EXTL2: variants seen among roughly 807,000 people sequenced by gnomAD.
EXTL2 encodes the protein exostosin like glycosyltransferase 2.
EXTL2 carries 23 observed loss-of-function variants against 30.7 expected under a neutral mutation model. That is an observed-to-expected ratio of 0.75 (90% CI 0.54 to 1.06). EXTL2 has a LOEUF of 1.06. Ranked by LOEUF, EXTL2 falls within the 50% of genes least tolerant of loss-of-function variation. The pLI is 0.00. For missense variants in EXTL2, 352 were observed against 396.3 expected (o/e 0.89, Z 0.95); for synonymous variants, 123 against 133.8 (o/e 0.92, Z 0.56).
chr1:100,879,027 A>G (rs1649356297), intron 2 of EXTL2, among the ~76,000 whole-genome samples: 1 of 152,190 alleles, frequency 6.6e-6, no homozygotes. Context: ...GTAGTGAACA[A>G]ATTGATAAGT....
chr1:100,894,296 G>A (rs558239307), intron 1 of EXTL2, among the ~76,000 whole-genome samples: 1 of 151,816 alleles, frequency 6.6e-6, no homozygotes, highest in African/African-American at 2.4e-5. Flanking sequence ...TAAAATTCAA[G>A]GTCTACTGCT....
intron 2 of EXTL2, among the ~76,000 whole-genome samples, chr1:100,880,514 C>T (rs922128730): frequency 6.6e-6 from 1 of 152,126 alleles, no homozygotes; most frequent in Non-Finnish European, 1.5e-5. Flanking sequence ...GATTATTTTA[C>T]AAGGATAATA....
At position 100,874,024 on chromosome 1, in the gene EXTL2, T is replaced by C. The variant is rs1376540995; in HGVS notation, c.911A>G (p.Tyr304Cys). 1.8e-5 allele frequency: 29 copies of C among 1,612,814 alleles called. No homozygotes were observed. Among genetic ancestry groups the C allele is most frequent in the Non-Finnish European group, 2.4e-5 (28 of 1,179,368 alleles). Residue 304 changes from tyrosine (Y) to cysteine (C), a missense_variant, in exon 5 of 5, where the codon TAT becomes TGT. Transcript: ENST00000370114. ...SYCINKLVNIYDSMPLRYSNI... is the reference protein window; with the variant it reads ...SYCINKLVNICDSMPLRYSNI... Reference sequence around the variant, plus strand: ...GGAGTATCTTAAGGGCATGCTATCATAGATATTAACAAGCTTATTTATACA... The same window carrying C: ...GGAGTATCTTAAGGGCATGCTATCACAGATATTAACAAGCTTATTTATACA...
chr1:100,887,789 C>T (rs1003312926), intron 2 of EXTL2, among the ~76,000 whole-genome samples: 5 of 152,098 alleles, frequency 3.3e-5, no homozygotes, highest in African/African-American at 4.8e-5. Flanking sequence ...CTGCAAGCTC[C>T]GCCTCCCCGG....
At chr1:100,876,936 G>T in intron 3 of EXTL2, 72 bp from the exon 4 acceptor site, 1 of 939,352 alleles carries the variant, frequency 1.1e-6, no homozygotes. Flanking sequence ...ATACAATAGT[G>T]TCTATATAGA....
At chr1:100,883,172 T>C (rs185271376) in intron 2 of EXTL2, among the ~76,000 whole-genome samples, 98 of 152,342 alleles carry the variant, frequency 6.4e-4, no homozygotes, top group African/African-American at 2.2e-3. Context: ...ACCTGCAAGA[T>C]AATATAAAAA....
intron 2 of EXTL2, among the ~76,000 whole-genome samples, chr1:100,878,664 G>A (rs1002445194): frequency 2.2e-4 from 34 of 152,140 alleles, no homozygotes; most frequent in African/African-American, 5.5e-4. Context: ...TTTACTATAC[G>A]CCAGATGAGA....
chr1:100,892,462 G>A (rs1007309184), intron 1 of EXTL2, among the ~76,000 whole-genome samples: 4 of 152,094 alleles, frequency 2.6e-5, no homozygotes, highest in East Asian at 3.9e-4. Context: ...CGGCAGTGTC[G>A]GCTTCCCTAC....
rs1463346477 is a variant in EXTL2, at chr1:100,894,728, T to G, written c.-167A>C. 6.6e-6 allele frequency: 1 copy of G among 150,764 alleles called. No homozygotes were observed. Among genetic ancestry groups the G allele is most frequent in the African/African-American group, 2.4e-5 (1 of 40,976 alleles). The allele number at this position is 150,764 out of a possible 1,614,324, so 9.3% of individuals were successfully genotyped here. On this transcript the variant is annotated 5_prime_UTR_variant, in exon 1 of 5. Coordinates refer to ENST00000370114, the MANE Select transcript of EXTL2 (RefSeq NM_001033025.3). ...GGGGCGTCTCGTTTGCTCATTTTTGTTTTTTTTTCTAAACCAAGTAGCGTG... is the reference window on the plus strand; with the variant it reads ...GGGGCGTCTCGTTTGCTCATTTTTGGTTTTTTTTCTAAACCAAGTAGCGTG...
At chr1:100,876,941 T>C (rs2295280) in intron 3 of EXTL2, 77 bp from the exon 4 acceptor site, 412,670 of 886,700 alleles carry the variant, frequency 0.47, 99,161 homozygotes, top group Non-Finnish European at 0.52. Context: ...ATAGTGTCTA[T>C]ATAGATCATT....
At chr1:100,880,967 T>C in intron 2 of EXTL2, 1 of 975,394 alleles carries the variant, frequency 1.0e-6, no homozygotes, top group Non-Finnish European at 1.2e-6. Flanking sequence ...TGCTTCCTTC[T>C]CATGTATTCT....
chr1:100,874,555 T>C, intron 4 of EXTL2, 125 bp from the exon 5 acceptor site: 2 of 821,048 alleles, frequency 2.4e-6, no homozygotes, highest in South Asian at 1.8e-5. Flanking sequence ...TCCTGGTTTC[T>C]ACATTTCAGT....
In EXTL2 at chr1:100,888,806, G is replaced by A; in HGVS notation, c.-49C>T. On this transcript the variant is annotated 5_prime_UTR_variant, in exon 2 of 5. Coordinates refer to ENST00000370114, the MANE Select transcript of EXTL2 (RefSeq NM_001033025.3). ...AAATCTCCTTATAGCTTCAGTAATT[G>A]ACAGAAGCAGGCTCACTTGTCACTA... 2 of 1,461,148 alleles carry A rather than the reference G, an allele frequency of 1.4e-6. No individual in the cohort carries two copies. The highest frequency in any genetic ancestry group is 9.4e-7 in the Non-Finnish European group (1 of 1,067,590). The allele number at this position is 1,461,148 out of a possible 1,614,324, so 90.5% of individuals were successfully genotyped here.
At chr1:100,887,571 G>A (rs1173516492) in intron 2 of EXTL2, among the ~76,000 whole-genome samples, 1 of 152,180 alleles carries the variant, frequency 6.6e-6, no homozygotes, top group East Asian at 1.9e-4. Context: ...GAAATAAAGT[G>A]TATCCATCCC....
chr1:100,884,690 C>A (rs892627890), intron 2 of EXTL2, among the ~76,000 whole-genome samples: 4 of 152,154 alleles, frequency 2.6e-5, no homozygotes, highest in Admixed American at 2.6e-4. Context: ...TTACTCCCTG[C>A]CCCTCAAATC....
chr1:100,890,674 T>G (rs1650357144), intron 1 of EXTL2, among the ~76,000 whole-genome samples: 1 of 152,240 alleles, frequency 6.6e-6, no homozygotes, highest in African/African-American at 2.4e-5. Context: ...AAGAGTGACC[T>G]TTGCTGCAGT....
intron 2 of EXTL2, among the ~76,000 whole-genome samples, chr1:100,880,046 T>A (rs989351778): frequency 6.6e-6 from 1 of 152,170 alleles, no homozygotes; most frequent in African/African-American, 2.4e-5. Context: ...TTAGTAACCA[T>A]CATATTCCTG....
chr1:100,889,838 G>A (rs1429687923), intron 1 of EXTL2, among the ~76,000 whole-genome samples: 1 of 152,230 alleles, frequency 6.6e-6, no homozygotes, highest in Non-Finnish European at 1.5e-5. Flanking sequence ...GCTTTTCAGG[G>A]TACAGTCCCC....
intron 2 of EXTL2, among the ~76,000 whole-genome samples, chr1:100,883,205 T>A (rs1257413066): frequency 6.6e-6 from 1 of 152,238 alleles, no homozygotes; most frequent in East Asian, 1.9e-4. Flanking sequence ...ATGTTGGAGT[T>A]TTTTAGTATC....
Sources: allele counts gnomAD v4.1 joint callset (sites outside exome capture counted in the v4.1 genomes callset), GRCh38; gene constraint gnomAD v4.1.1; transcripts MANE v1.5; gene names NCBI Gene and HGNC (gene_info 2026-07-23, HGNC 2026-07-21).